The following ADAMTS16 variants were observed in gnomAD, a reference collection of about 807,000 sequenced individuals.
ADAMTS16 encodes the protein A disintegrin and metalloproteinase with thrombospondin motifs 16.
ADAMTS16 carries 94 observed loss-of-function variants against 145.8 expected under a neutral mutation model. The ratio of observed to expected loss-of-function variants is 0.64; its 90% CI spans 0.55 to 0.77. The LOEUF is 0.77. ADAMTS16 is among the 30% of genes least tolerant of loss of function. The probability of loss-of-function intolerance (pLI) is 0.00; values close to 1 mark genes in which losing one functional copy is unlikely to be tolerated. For missense variants in ADAMTS16, 1,585 were observed against 1,591.5 expected, an observed-to-expected ratio of 1.00 and a Z score of 0.07; for synonymous variants, 659 against 604.3, an observed-to-expected ratio of 1.09 and a Z score of -1.33.
chr5:5,248,600 A>G (rs1737529340), intron 17 of ADAMTS16, among the ~76,000 whole-genome samples: 1 of 152,248 alleles, frequency 6.6e-6, no homozygotes, highest in Admixed American at 6.5e-5. Context: ...AGTACTGCTG[A>G]GAAGTTGCTT....
In ADAMTS16 at chr5:5,319,550, G is replaced by A. The variant is rs896878130; in HGVS notation, c.*412G>A. On this transcript the variant is annotated 3_prime_UTR_variant, in exon 23 of 23. Coordinates refer to ENST00000274181, the MANE Select transcript of ADAMTS16 (RefSeq NM_139056.4). ...GAAATAAGGAAAACATACAAAATAT[G>A]TACCCCCTAGTTCACCAGCCTCCCC... The A allele has an allele frequency of 3.4e-6, 1 of 294,102 alleles. No individual in the cohort carries two copies. Among genetic ancestry groups the A allele is most frequent in the African/African-American group, 2.2e-5 (1 of 44,476 alleles). The allele number at this position is 294,102 out of a possible 1,614,324, so 18.2% of individuals were successfully genotyped here. A position where few individuals can be genotyped will look rare whatever the true frequency, so the allele number is the denominator to read the frequency against.
intron 18 of ADAMTS16, among the ~76,000 whole-genome samples, chr5:5,267,833 GC>G (rs1560978198): frequency 6.6e-6 from 1 of 152,138 alleles, no homozygotes; most frequent in Non-Finnish European, 1.5e-5. Context: ...ACCAGGGACC[GC>G]CCCCTTCTCC....
At chr5:5,158,615 G>A (rs1385117713) in intron 3 of ADAMTS16, among the ~76,000 whole-genome samples, 1 of 152,162 alleles carries the variant, frequency 6.6e-6, no homozygotes, top group Non-Finnish European at 1.5e-5. Context: ...CTCAGGAAAG[G>A]CCAATTGGAG....
At chr5:5,145,879 C>T (rs989527563) in intron 2 of ADAMTS16, among the ~76,000 whole-genome samples, 5 of 152,120 alleles carry the variant, frequency 3.3e-5, no homozygotes, top group South Asian at 4.1e-4. Flanking sequence ...TTAACATCAC[C>T]GCATCACTGT....
In ADAMTS16 at chr5:5,211,356, A is replaced by G. The variant is rs574102398; in HGVS notation, c.1605+2110A>G. On this transcript the variant is annotated intron_variant, in intron 10 of 22. Transcript: ENST00000274181. ...ACTAAAGGAGATATTTTTTCAATGA[A>G]TGGTTATGAATTCCTTTAATTACTG... Among the ~76,000 whole-genome samples the G allele has an allele frequency of 9.3e-4, 142 of 152,294 alleles. 1 individual carries two copies. Among genetic ancestry groups the G allele is most frequent in the African/African-American group, 3.3e-3 (137 of 41,590 alleles).
intron 21 of ADAMTS16, among the ~76,000 whole-genome samples, chr5:5,309,534 G>A (rs188691766): frequency 7.6e-4 from 115 of 152,190 alleles, no homozygotes; most frequent in Admixed American, 1.7e-3. Context: ...AGCGGGTCCC[G>A]GCAGCTACTA....
intron 3 of ADAMTS16, among the ~76,000 whole-genome samples, chr5:5,170,029 A>C (rs1189017020): frequency 6.6e-6 from 1 of 152,200 alleles, no homozygotes; most frequent in African/African-American, 2.4e-5. Flanking sequence ...GGGAGTGCAG[A>C]TATCTCTTCG....
In ADAMTS16 at chr5:5,310,265, T is replaced by G. The variant is rs1740367188; in HGVS notation, c.3411+3537T>G. Among the ~76,000 whole-genome samples, 1 of 152,070 alleles carries G rather than the reference T, an allele frequency of 6.6e-6. No homozygotes were observed. The highest frequency in any genetic ancestry group is 2.1e-4 in the South Asian group (1 of 4,820). ...CCAGCTCGTAGGACCCCACCCACAC[T>G]GCGCAGCCCATCTCTCATCCTTCCT... is the stretch of plus-strand genomic sequence containing the variant. On this transcript the variant is annotated intron_variant, in intron 21 of 22. Coordinates refer to ENST00000274181, the MANE Select transcript of ADAMTS16 (RefSeq NM_139056.4). The surrounding 1 kb of genome is among the most constrained non-coding windows in gnomAD (Gnocchi z 4.3).
At chr5:5,311,325 A>T (rs7704687) in intron 21 of ADAMTS16, among the ~76,000 whole-genome samples, 1 of 148,488 alleles carries the variant, frequency 6.7e-6, no homozygotes, top group African/African-American at 2.5e-5. Flanking sequence ...AAACAAAAAA[A>T]CAAAAAAACA....
chr5:5,306,632 G>A lies in ADAMTS16; in HGVS notation c.3315G>A (p.Leu1105=). 6.2e-7 allele frequency: 1 copy of A among 1,614,200 alleles called. No individual in the cohort carries two copies. ...ATTTGCCGAAGCCCAGCCTGGAGCT[G>A]GAACGTGCCTGCGCCCCGCTTCCAT... The part of the protein sequence containing the change: ...CSHLPKPSLE[L]ERACAPLPCP... Residue 1105 remains leucine (L), a synonymous_variant, in exon 21 of 23, where the codon CTG becomes CTA. Transcript: ENST00000274181.
Position 5,320,167 on chromosome 5 carries a change from C to T in ADAMTS16, c.*1029C>T, listed in dbSNP as rs181014434. 5 of 311,886 alleles carry T rather than the reference C, an allele frequency of 1.6e-5. No individual in the cohort carries two copies. Among genetic ancestry groups the T allele is most frequent in the African/African-American group, 4.6e-5 (2 of 43,452 alleles). 19.3% of individuals were successfully genotyped at this position (311,886 alleles called of 1,614,324 possible). A position where few individuals can be genotyped will look rare whatever the true frequency, so the allele number is the denominator to read the frequency against. The stretch of plus-strand genomic sequence containing the variant: ...GCGGGTGTTAGGGTGGGAATCTGCC[C>T]GGCGTCTCTGGCACCCTCCCTGCCA... On this transcript the variant is annotated 3_prime_UTR_variant, in exon 23 of 23. Coordinates refer to ENST00000274181, the MANE Select transcript of ADAMTS16 (RefSeq NM_139056.4). This position sits in a 1 kb window ranked among gnomAD's most constrained non-coding sequence, Gnocchi z 5.1.
chr5:5,192,169 T>G (rs189140177), intron 8 of ADAMTS16, among the ~76,000 whole-genome samples: 3 of 152,140 alleles, frequency 2.0e-5, no homozygotes, highest in Admixed American at 1.3e-4. Context: ...ATTTTTGGAG[T>G]GACAGGGTTT....
intron 3 of ADAMTS16, among the ~76,000 whole-genome samples, chr5:5,171,089 G>T (rs1278363039): frequency 6.6e-6 from 1 of 152,068 alleles, no homozygotes; most frequent in Non-Finnish European, 1.5e-5. Flanking sequence ...TTAGCATATA[G>T]AAATGCTACC....
rs1277775961 is a variant in ADAMTS16, at chr5:5,194,535, G to A, written c.1313+2745G>A. 3.9e-5 allele frequency among the ~76,000 whole-genome samples: 6 copies of A among 152,182 alleles called. No individual in the cohort carries two copies. The South Asian group carries it at 6.2e-4, about 16-fold the overall frequency. Reference sequence around the variant, plus strand: ...AGTCGGGGAATGAGTGACGCAGGGCGTGAGCAAGCAACAGGTGAGGAGTAA... The same window carrying A: ...AGTCGGGGAATGAGTGACGCAGGGCATGAGCAAGCAACAGGTGAGGAGTAA... On this transcript the variant is annotated intron_variant, in intron 8 of 22. Coordinates refer to ENST00000274181, the MANE Select transcript of ADAMTS16 (RefSeq NM_139056.4).
chr5:5,169,724 G>A (rs1242357732), intron 3 of ADAMTS16, among the ~76,000 whole-genome samples: 1 of 152,136 alleles, frequency 6.6e-6, no homozygotes, highest in Non-Finnish European at 1.5e-5. Flanking sequence ...TCCTTTTTGA[G>A]TGAGAAGCAG....
rs1158040960 is a variant in ADAMTS16, at chr5:5,140,422, G to A, written c.-46G>A. On this transcript the variant is annotated 5_prime_UTR_variant, in exon 1 of 23. Transcript: ENST00000274181. ...CCTCCCTGCCCGCTCGCACGCTGCC[G>A]GCCGGGGACCCTCCGGTGGCCCCTA... 2 of 1,484,466 alleles carry A rather than the reference G, an allele frequency of 1.3e-6. No homozygotes were observed. Among genetic ancestry groups the A allele is most frequent in the Admixed American group, 2.3e-5 (1 of 44,120 alleles). The allele number at this position is 1,484,466 out of a possible 1,614,324, so 92.0% of individuals were successfully genotyped here.
intron 18 of ADAMTS16, among the ~76,000 whole-genome samples, chr5:5,291,354 G>A (rs990869435): frequency 2.6e-5 from 4 of 152,164 alleles, no homozygotes; most frequent in East Asian, 1.9e-4. Flanking sequence ...GACCACATGT[G>A]AATGAGCTCC....
intron 18 of ADAMTS16, among the ~76,000 whole-genome samples, chr5:5,265,947 G>A (rs1246579267): frequency 6.6e-6 from 1 of 151,830 alleles, no homozygotes; most frequent in Non-Finnish European, 1.5e-5. Context: ...AGTTACCAGT[G>A]CTATGAAGTG....
intron 17 of ADAMTS16, among the ~76,000 whole-genome samples, chr5:5,245,868 A>G (rs1737426128): frequency 6.6e-6 from 1 of 151,878 alleles, no homozygotes; most frequent in African/African-American, 2.4e-5. Context: ...CTCTCCTCTC[A>G]CTTTTATGAC....
Sources: gnomAD v4.1 joint callset for allele counts (sites outside exome capture counted in the v4.1 genomes callset) on GRCh38, gnomAD v4.1.1 for gene constraint, Gnocchi (gnomAD v3.1) non-coding constraint, MANE v1.5 for transcripts, NCBI Gene and HGNC (gene_info 2026-07-23, HGNC 2026-07-21) for gene names.